The following NHSL1 variants were observed in gnomAD, a reference collection of about 807,000 sequenced individuals.
NHSL1 encodes NHS like 1, also known as NHS-like protein 1.
Under a neutral mutation model 95.0 loss-of-function variants are expected in NHSL1, and 48 were observed. The observed-to-expected ratio is 0.51, with a 90% confidence interval of 0.40 to 0.64. The LOEUF is 0.64. NHSL1 is among the 30% of genes least tolerant of loss of function. The probability of loss-of-function intolerance (pLI) is 0.00; values close to 1 mark genes in which losing one functional copy is unlikely to be tolerated. For missense variants in NHSL1, 1,971 were observed against 2,077.7 expected, an observed-to-expected ratio of 0.95 and a Z score of 1.00; for synonymous variants, 783 against 833.9, an observed-to-expected ratio of 0.94 and a Z score of 1.05.
chr6:138,473,441 G>T lies in NHSL1; in HGVS notation c.212-8C>A. ...GCCGCAACTTATCGCATTCTGCAGA[G>T]GGGCACGCAGGGAGGGGAAGGAGGC... On this transcript the variant is annotated splice_region_variant and splice_polypyrimidine_tract_variant and intron_variant, in intron 2 of 7. Coordinates refer to ENST00000343505, the MANE Select transcript of NHSL1 (RefSeq NM_001144060.2). 7.0e-7 allele frequency: 1 copy of T among 1,430,600 alleles called. No homozygotes were observed. Among genetic ancestry groups the T allele is most frequent in the South Asian group, 1.6e-5 (1 of 62,902 alleles). 88.6% of individuals were successfully genotyped at this position (1,430,600 alleles called of 1,614,324 possible).
rs1165353817 is a variant in NHSL1 at position 138,626,616 on chromosome 6, G to A, written c.96+65860C>T. Among the ~76,000 whole-genome samples, 4 of 71,376 alleles carry A rather than the reference G, an allele frequency of 5.6e-5. 1 individual carries two copies. Among genetic ancestry groups the A allele is most frequent in the Admixed American group, 2.5e-4 (2 of 7,982 alleles). 46.8% of individuals were successfully genotyped at this position (71,376 alleles called of 152,430 possible). The stretch of plus-strand genomic sequence containing the variant: ...ACTTTCTTAAAAAAAATTGTAGGCC[G>A]GGCGCGGTGGCTCACGCCTGTAATC... On this transcript the variant is annotated intron_variant, in intron 1 of 3. Transcript: ENST00000491526.
At chr6:138,435,717 T>C (rs188355555) in intron 5 of NHSL1, among the ~76,000 whole-genome samples, 1 of 151,868 alleles carries the variant, frequency 6.6e-6, no homozygotes, top group Non-Finnish European at 1.5e-5. Flanking sequence ...CTGGGGTTTT[T>C]TTTTTTGTTT....
intron 2 of NHSL1, among the ~76,000 whole-genome samples, chr6:138,489,985 G>GGAGAGA (rs145500008): frequency 2.1e-5 from 2 of 96,594 alleles, no homozygotes; most frequent in African/African-American, 4.3e-5. Flanking sequence ...GGGGAGAGGG[G>GGAGAGA]GAGAGAGAGA....
At chr6:138,611,084 A>T (rs1784506550) in intron 1 of NHSL1, among the ~76,000 whole-genome samples, 2 of 152,124 alleles carry the variant, frequency 1.3e-5, no homozygotes, top group Non-Finnish European at 2.9e-5. Flanking sequence ...CAAAAAAAAA[A>T]AAAGTGGCAA....
chr6:138,524,133 T>C (rs559913296), intron 1 of NHSL1, among the ~76,000 whole-genome samples: 1 of 152,208 alleles, frequency 6.6e-6, no homozygotes, highest in African/African-American at 2.4e-5. Context: ...GGTTCCCTCC[T>C]ATTTACCTCT....
chr6:138,573,535 A>G (rs1387500365), upstream of NHSL1, among the ~76,000 whole-genome samples: 2 of 152,222 alleles, frequency 1.3e-5, no homozygotes, highest in Middle Eastern at 3.2e-3. Context: ...TTTTAAGAAG[A>G]AGGCTCTACA....
At chr6:138,437,771 G>A (rs1432442320) in intron 5 of NHSL1, among the ~76,000 whole-genome samples, 3 of 152,130 alleles carry the variant, frequency 2.0e-5, no homozygotes, top group Admixed American at 6.5e-5. Flanking sequence ...TCCAGCTCTC[G>A]TAGATAACTT....
chr6:138,647,250 A>G (rs374175762), intron 1 of NHSL1, among the ~76,000 whole-genome samples: 2 of 152,222 alleles, frequency 1.3e-5, no homozygotes, highest in South Asian at 4.1e-4. Flanking sequence ...ATTCAACTGG[A>G]GGCATCATGC....
chr6:138,673,043 A>G (rs558061861), intron 1 of NHSL1, among the ~76,000 whole-genome samples: 3 of 151,544 alleles, frequency 2.0e-5, no homozygotes, highest in African/African-American at 7.3e-5. Flanking sequence ...AGATAGATAG[A>G]TAGATAGATA....
In NHSL1 at chr6:138,424,484, C is replaced by A; in HGVS notation, c.4418G>T (p.Arg1473Ile). ...SPSSCSPSKN[R>I]RAQEEWAKNE... ...CTTGGCCCACTCCTCCTGCGCCCTT[C>A]TGTTCTTGCTTGGGGAGCAGCTTGA... Residue 1473 changes from arginine to isoleucine, a missense_variant, in exon 8 of 8, where the codon AGA (arginine) becomes ATA (isoleucine). By Grantham distance (97) the Arg-to-Ile change is moderately conservative (BLOSUM62 -3). Coordinates refer to ENST00000343505, the MANE Select transcript of NHSL1 (RefSeq NM_001144060.2). The surrounding 1 kb of genome is among the most constrained non-coding windows in gnomAD (Gnocchi z 5.9). The A allele has an allele frequency of 6.4e-7, 1 of 1,551,666 alleles. No homozygotes were observed. Among genetic ancestry groups the A allele is most frequent in the South Asian group, 1.2e-5 (1 of 84,048 alleles).
rs529410708 is a variant in NHSL1 at position 138,634,360 on chromosome 6, G to A, written c.96+58116C>T. On this transcript the variant is annotated intron_variant, in intron 1 of 3. Transcript: ENST00000491526. ...CACATAGACCAAAAATAAATGGATA[G>A]AAAAAGATATTCCATGCCAACAAAA... Among the ~76,000 whole-genome samples the A allele has an allele frequency of 4.6e-4, 70 of 152,142 alleles. 1 individual carries two copies. Among genetic ancestry groups the A allele is most frequent in the South Asian group, 4.1e-3 (20 of 4,822 alleles).
intron 1 of NHSL1, among the ~76,000 whole-genome samples, chr6:138,670,502 T>C (rs1204656827): frequency 6.7e-6 from 1 of 149,858 alleles, no homozygotes; most frequent in Non-Finnish European, 1.5e-5. Flanking sequence ...CCGTCTCTAC[T>C]AAAAATACAA....
chr6:138,647,692 C>T (rs1255041275), intron 1 of NHSL1, among the ~76,000 whole-genome samples: 2 of 151,312 alleles, frequency 1.3e-5, no homozygotes, highest in African/African-American at 2.4e-5. Context: ...ACCTCCACCT[C>T]AGGGTTCAAG....
intron 1 of NHSL1, among the ~76,000 whole-genome samples, chr6:138,684,658 AAC>A (rs1562412749): frequency 1.3e-5 from 2 of 151,942 alleles, no homozygotes; most frequent in African/African-American, 4.8e-5. Flanking sequence ...AAAACAAACA[AAC>A]AAACAAACAA....
At chr6:138,502,424 G>T (rs556902753), upstream of NHSL1, among the ~76,000 whole-genome samples, 1 of 151,690 alleles carries the variant, frequency 6.6e-6, no homozygotes, top group South Asian at 2.1e-4. Context: ...CAACAGAAAA[G>T]ATATAAATCC....
chr6:138,603,016 T>C (rs1784391238), intron 1 of NHSL1, among the ~76,000 whole-genome samples: 1 of 152,206 alleles, frequency 6.6e-6, no homozygotes, highest in African/African-American at 2.4e-5. Flanking sequence ...AATTACATTA[T>C]AAACAAAAAT....
intron 1 of NHSL1, among the ~76,000 whole-genome samples, chr6:138,668,467 T>C (rs1274989572): frequency 6.6e-6 from 1 of 152,058 alleles, no homozygotes; most frequent in Non-Finnish European, 1.5e-5. Flanking sequence ...GAAATTGTTT[T>C]GCTAACTAGC....
At position 138,514,130 on chromosome 6, in the gene NHSL1, G is replaced by A. The variant is rs1344700218; in HGVS notation, c.17-17759C>T. 3.3e-5 allele frequency among the ~76,000 whole-genome samples: 5 copies of A among 151,920 alleles called. No individual in the cohort carries two copies. In the South Asian group the frequency reaches 6.2e-4, roughly 19 times the overall value. Reference sequence around the variant, plus strand: ...TCAGGAGTTCGAGACCAGCCTGACCGACATGGTGAAACCCTGTCTCTACTA... The same window carrying A: ...TCAGGAGTTCGAGACCAGCCTGACCAACATGGTGAAACCCTGTCTCTACTA... On this transcript the variant is annotated intron_variant, in intron 1 of 4. Transcript: ENST00000342260.
intron 1 of NHSL1, among the ~76,000 whole-genome samples, chr6:138,656,675 A>G (rs1785161113): frequency 6.6e-6 from 1 of 152,184 alleles, no homozygotes; most frequent in Non-Finnish European, 1.5e-5. Context: ...AAGGAAACAT[A>G]AGTTTTCTTT....
Sources: gnomAD v4.1 joint callset for allele counts (sites outside exome capture counted in the v4.1 genomes callset) on GRCh38, gnomAD v4.1.1 for gene constraint, Gnocchi (gnomAD v3.1) non-coding constraint, MANE v1.5 for transcripts, NCBI Gene and HGNC (gene_info 2026-07-23, HGNC 2026-07-21) for gene names.